The following SYCP1 variants were observed in gnomAD, a reference collection of about 807,000 sequenced individuals.
The protein encoded by SYCP1 is cancer/testis antigen 8.
SYCP1 carries 64 observed loss-of-function variants against 153.1 expected under a neutral mutation model. The observed-to-expected ratio is 0.42, with a 90% CI of 0.34 to 0.51. The LOEUF is 0.51. Among genes scored for constraint, SYCP1 ranks in the 20% least tolerant of loss-of-function variants. The pLI, the probability that SYCP1 is intolerant of heterozygous loss-of-function variation, is 0.06. For missense variants in SYCP1, 997 were observed against 1,049.0 expected (o/e 0.95, Z 0.68); for synonymous variants, 384 against 341.8 (o/e 1.12, Z -1.36).
intron 20 of SYCP1, among the ~76,000 whole-genome samples, chr1:114,921,597 T>A (rs1316853549): frequency 6.6e-6 from 1 of 150,766 alleles, no homozygotes; most frequent in African/African-American, 2.4e-5. Flanking sequence ...GAGAATTGCT[T>A]GAATCTGGGA....
intron 14 of SYCP1, 80 bp downstream of exon 14, chr1:114,886,389 G>C: frequency 8.0e-7 from 1 of 1,244,042 alleles, no homozygotes; most frequent in Non-Finnish European, 1.1e-6. Context: ...CATTTTCTTT[G>C]CATTGCCAAC....
intron 30 of SYCP1, 129 bp from the exon 31 acceptor site, chr1:114,994,569 C>T (rs1674146357): frequency 1.8e-6 from 1 of 549,730 alleles, no homozygotes; most frequent in Non-Finnish European, 2.9e-6. Context: ...CTCCCTTTGC[C>T]CTTCTCCCTT....
chr1:114,930,053 C>T (rs952881779), intron 23 of SYCP1, among the ~76,000 whole-genome samples: 1 of 151,758 alleles, frequency 6.6e-6, no homozygotes, highest in Admixed American at 6.6e-5. Flanking sequence ...TGGAAAAGCC[C>T]GGATATTTGA....
intron 27 of SYCP1, among the ~76,000 whole-genome samples, chr1:114,962,205 G>A (rs918140552): frequency 2.0e-5 from 3 of 151,942 alleles, no homozygotes; most frequent in Admixed American, 1.3e-4. Flanking sequence ...GGCTGGTCTC[G>A]AACTCCTGAC....
chr1:114,895,041 G>GA (rs11452427), intron 15 of SYCP1, among the ~76,000 whole-genome samples: 74,043 of 151,786 alleles, frequency 0.49, 19,305 homozygotes, highest in Non-Finnish European at 0.59. Context: ...TGGGAATGTT[G>GA]AATCCAAAGT....
At chr1:114,891,723 C>T (rs1297941446) in intron 15 of SYCP1, among the ~76,000 whole-genome samples, 1 of 152,142 alleles carries the variant, frequency 6.6e-6, no homozygotes, top group African/African-American at 2.4e-5. Flanking sequence ...ACAGATTCCC[C>T]TCCTAGTAGG....
chr1:114,856,040 C>T (rs536763166), intron 2 of SYCP1, among the ~76,000 whole-genome samples: 1 of 152,192 alleles, frequency 6.6e-6, no homozygotes, highest in Non-Finnish European at 1.5e-5. Flanking sequence ...ATGGTGTTAT[C>T]ATTGGATAGG....
intron 23 of SYCP1, among the ~76,000 whole-genome samples, chr1:114,929,834 T>C (rs1002268742): frequency 1.3e-5 from 2 of 152,054 alleles, no homozygotes; most frequent in Non-Finnish European, 2.9e-5. Context: ...AATCTGAACA[T>C]CACTATTAAC....
intron 26 of SYCP1, among the ~76,000 whole-genome samples, chr1:114,946,990 C>T (rs72695822): frequency 0.061 from 9,258 of 152,230 alleles, 321 homozygotes; most frequent in Middle Eastern, 0.14. Context: ...GAGTGATATG[C>T]CTGCCTCTGC....
chr1:114,935,307 A>C (rs530221556), intron 23 of SYCP1, among the ~76,000 whole-genome samples: 2 of 150,984 alleles, frequency 1.3e-5, no homozygotes, highest in South Asian at 4.2e-4. Context: ...CTGAATGACT[A>C]CTGGTACATA....
rs1570680087 is a variant in SYCP1 at position 114,876,746 on chromosome 1, A to T, written c.737A>T (p.Asp246Val). The T allele has an allele frequency of 7.3e-7, 1 of 1,374,156 alleles. No homozygotes were observed. Among genetic ancestry groups the T allele is most frequent in the African/African-American group, 1.5e-5 (1 of 65,814 alleles). The allele number at this position is 1,374,156 out of a possible 1,614,324, so 85.1% of individuals were successfully genotyped here. Reference sequence around the variant, plus strand: ...TGTTTTATTTTTAAAGTAAAGGAAGATTATGAAAAAATCCAACACCTTGAA... The same window carrying T: ...TGTTTTATTTTTAAAGTAAAGGAAGTTTATGAAAAAATCCAACACCTTGAA... ...RLEMHFKLKE[D>V]YEKIQHLEQE... is the part of the protein sequence containing the mutation. Residue 246 changes from aspartate to valine, a missense_variant, in exon 11 of 32, where the codon GAT (aspartate) becomes GTT (valine). This residue lies in a region of SYCP1 where 285 missense variants were observed against 366.1 expected (regional missense o/e 0.78). Transcript: ENST00000369522.
intron 20 of SYCP1, among the ~76,000 whole-genome samples, chr1:114,922,523 G>A (rs1282084234): frequency 6.6e-6 from 1 of 152,044 alleles, no homozygotes; most frequent in Admixed American, 6.6e-5. Flanking sequence ...GTGGTGGGGA[G>A]GACACACTTT....
chr1:114,980,077 G>A (rs1046864301), intron 28 of SYCP1, among the ~76,000 whole-genome samples: 1 of 151,764 alleles, frequency 6.6e-6, no homozygotes, highest in Non-Finnish European at 1.5e-5. Flanking sequence ...TGTAAAGGAG[G>A]GCTCTACAAT....
intron 16 of SYCP1, among the ~76,000 whole-genome samples, chr1:114,900,416 G>A (rs1420858833): frequency 6.6e-6 from 1 of 152,010 alleles, no homozygotes; most frequent in African/African-American, 2.4e-5. Context: ...GAGTAGCTGG[G>A]ATTATAGGCG....
intron 12 of SYCP1, among the ~76,000 whole-genome samples, chr1:114,879,911 T>C (rs2101499319): frequency 6.6e-6 from 1 of 152,342 alleles, no homozygotes. Flanking sequence ...AAATGAATCA[T>C]GTATTTTTCA....
intron 23 of SYCP1, among the ~76,000 whole-genome samples, chr1:114,928,521 A>G (rs1669407950): frequency 6.6e-6 from 1 of 152,244 alleles, no homozygotes; most frequent in Non-Finnish European, 1.5e-5. Flanking sequence ...AGTTGAAGGA[A>G]AATGGCATTA....
chr1:114,984,663 C>G (rs78016663), intron 29 of SYCP1, 62 bp from the exon 30 acceptor site: 45,607 of 1,214,772 alleles, frequency 0.038, 1,041 homozygotes, highest in Non-Finnish European at 0.043. Flanking sequence ...TTTGTGAAAC[C>G]CTTTATTAAT....
chr1:114,929,331 T>C (rs937854093), intron 23 of SYCP1, among the ~76,000 whole-genome samples: 5 of 151,970 alleles, frequency 3.3e-5, no homozygotes, highest in East Asian at 1.9e-4. Flanking sequence ...AATAACATAA[T>C]GATCTGAACT....
intron 27 of SYCP1, among the ~76,000 whole-genome samples, chr1:114,965,117 T>C (rs553506345): frequency 4.6e-4 from 70 of 152,328 alleles, no homozygotes; most frequent in African/African-American, 1.6e-3. Context: ...TTTATTCTCT[T>C]TGTAGCAATT....
Sources: allele counts gnomAD v4.1 joint callset (sites outside exome capture counted in the v4.1 genomes callset), GRCh38; gene constraint gnomAD v4.1.1; regional missense constraint gnomAD v4.1.1; transcripts MANE v1.5; gene names NCBI Gene and HGNC (gene_info 2026-07-23, HGNC 2026-07-21).